The following HOMER2 variants were observed in gnomAD, a reference collection of about 807,000 sequenced individuals.
The protein encoded by HOMER2 is homer scaffold protein 2, also known as homer protein homolog 2.
A neutral mutation model predicts 47.0 loss-of-function variants in HOMER2; 27 were observed. The observed-to-expected ratio is 0.57, with a 90% CI of 0.42 to 0.79. The LOEUF is 0.79. Among genes scored for constraint, HOMER2 ranks in the 30% least tolerant of loss-of-function variants. HOMER2 has a pLI of 0.00. For synonymous variants in HOMER2, 161 were observed against 163.8 expected, an observed-to-expected ratio of 0.98 and a Z score of 0.13; for missense variants, 443 against 435.0, an observed-to-expected ratio of 1.02 and a Z score of -0.16.
intron 1 of HOMER2, among the ~76,000 whole-genome samples, chr15:82,966,256 G>A (rs1323936865): frequency 1.3e-5 from 2 of 152,160 alleles, no homozygotes; most frequent in African/African-American, 4.8e-5. Context: ...ACAGGTGAGA[G>A]TAACAGGCCC....
intron 1 of HOMER2, among the ~76,000 whole-genome samples, chr15:82,914,544 C>CA (rs1367492726): frequency 6.6e-6 from 1 of 151,974 alleles, no homozygotes; most frequent in Non-Finnish European, 1.5e-5. Context: ...CAGTGATTAC[C>CA]AGTGGCTGGG....
intron 1 of HOMER2, among the ~76,000 whole-genome samples, chr15:82,965,877 T>G (rs1053170549): frequency 4.6e-5 from 7 of 151,972 alleles, no homozygotes; most frequent in Admixed American, 6.6e-5. Context: ...GGAGGATCGC[T>G]TGAGCCCAGG....
chr15:82,893,505 G>A lies in HOMER2; in HGVS notation c.6-664C>T, dbSNP rs545208284. The stretch of plus-strand genomic sequence containing the variant: ...GTGCCACTGCGCTCAGCTAATTTTT[G>A]TATTTATAGTAGAGACGGGGTTTCA... On this transcript the variant is annotated intron_variant, in intron 1 of 8. Coordinates refer to ENST00000450735, the MANE Select transcript of HOMER2 (RefSeq NM_004839.4). Among the ~76,000 whole-genome samples, 147 of 151,400 alleles carry A rather than the reference G, an allele frequency of 9.7e-4. 1 individual carries two copies. Among genetic ancestry groups the A allele is most frequent in the African/African-American group, 3.5e-3 (143 of 41,228 alleles).
chr15:82,894,379 T>A (rs1019097761), intron 1 of HOMER2, among the ~76,000 whole-genome samples: 1 of 152,156 alleles, frequency 6.6e-6, no homozygotes, highest in Non-Finnish European at 1.5e-5. Context: ...CAAAAATCCT[T>A]TAAGTGTTCA....
intron 1 of HOMER2, among the ~76,000 whole-genome samples, chr15:82,935,471 T>TC (rs148998945): frequency 7.5e-4 from 114 of 152,084 alleles, no homozygotes; most frequent in African/African-American, 2.6e-3. Context: ...CTGCCTGCCC[T>TC]CCCTCCCTGG....
At chr15:82,898,044 C>T (rs11259959) in intron 1 of HOMER2, among the ~76,000 whole-genome samples, 64,851 of 152,074 alleles carry the variant, frequency 0.43, 14,077 homozygotes, top group Non-Finnish European at 0.47. Flanking sequence ...TAAATGTTCT[C>T]ATTTAATCCT....
At chr15:82,976,519 G>C (rs1040074596) in intron 1 of HOMER2, among the ~76,000 whole-genome samples, 1 of 151,168 alleles carries the variant, frequency 6.6e-6, no homozygotes, top group Non-Finnish European at 1.5e-5. Flanking sequence ...GGCTGGTCTC[G>C]AACTCCTGAC....
chr15:82,909,740 C>T (rs1567048046), intron 1 of HOMER2, among the ~76,000 whole-genome samples: 1 of 152,172 alleles, frequency 6.6e-6, no homozygotes, highest in Non-Finnish European at 1.5e-5. Context: ...ACTCATTGTA[C>T]TTAACAACTT....
At chr15:82,880,077 T>A (rs1016207035) in intron 2 of HOMER2, among the ~76,000 whole-genome samples, 4 of 152,146 alleles carry the variant, frequency 2.6e-5, no homozygotes, top group Admixed American at 2.6e-4. Flanking sequence ...TAAAACTGAA[T>A]AACAGATTAT....
chr15:82,925,272 C>A (rs1202698548), intron 1 of HOMER2, among the ~76,000 whole-genome samples: 2 of 152,198 alleles, frequency 1.3e-5, no homozygotes, highest in African/African-American at 4.8e-5. Flanking sequence ...CCTGTTTAGA[C>A]CATGTTCATC....
intron 4 of HOMER2, among the ~76,000 whole-genome samples, chr15:82,860,952 A>AGAGAGAGAGAGAGAG (rs56193557): frequency 0.02 from 2,117 of 104,958 alleles, 97 homozygotes; most frequent in East Asian, 0.049. Context: ...TAGAAGATAG[A>AGAGAGAGAGAGAGAG]AGATGAGAGA....
At chr15:82,842,929 T>C (rs905314009) in exon 2 of HOMER2, 1 of 152,076 alleles carries the variant, frequency 6.6e-6, no homozygotes, top group Non-Finnish European at 1.5e-5. Flanking sequence ...AGGGTCTTGC[T>C]CTGTTCCCCA....
At chr15:82,946,812 T>C (rs575309552) in intron 1 of HOMER2, among the ~76,000 whole-genome samples, 1 of 152,358 alleles carries the variant, frequency 6.6e-6, no homozygotes, top group Non-Finnish European at 1.5e-5. Flanking sequence ...CTGTGTATTC[T>C]TCCAGTTCGG....
chr15:82,904,591 C>G, intron 1 of HOMER2, among the ~76,000 whole-genome samples: 1 of 152,130 alleles, frequency 6.6e-6, no homozygotes, highest in East Asian at 1.9e-4. Flanking sequence ...TACCAGGGCC[C>G]AATCAGCTGG....
chr15:82,975,412 T>C (rs1596389618), intron 1 of HOMER2, among the ~76,000 whole-genome samples: 1 of 152,212 alleles, frequency 6.6e-6, no homozygotes, highest in Admixed American at 6.5e-5. Context: ...TACACTCTCA[T>C]GTTTGCTGCA....
chr15:82,952,647 A>AGCCCCGGCGCC lies in HOMER2; in HGVS notation c.-123_-113dup. 1 of 1,010,976 alleles carries AGCCCCGGCGCC rather than the reference A, an allele frequency of 9.9e-7. No homozygotes were observed. The highest frequency in any genetic ancestry group is 1.2e-6 in the Non-Finnish European group (1 of 848,196). 62.6% of individuals were successfully genotyped at this position (1,010,976 alleles called of 1,614,324 possible). On this transcript the variant is annotated 5_prime_UTR_variant, in exon 1 of 9. It removes the in-frame stop codon of an upstream open reading frame in the 5' UTR. Coordinates refer to ENST00000450735, the MANE Select transcript of HOMER2 (RefSeq NM_004839.4). ...GCGGCGGCCCGTGCGCGCCCGGCTC[A>AGCCCCGGCGCC]GCCCCGGCGCCGCTCCATTCCGCGG...
chr15:82,896,119 C>A (rs1238731532), intron 1 of HOMER2, among the ~76,000 whole-genome samples: 1 of 152,002 alleles, frequency 6.6e-6, no homozygotes, highest in Non-Finnish European at 1.5e-5. Flanking sequence ...AGAACAGGGT[C>A]TCTGGATGCA....
intron 1 of HOMER2, among the ~76,000 whole-genome samples, chr15:82,940,504 G>A (rs904071513): frequency 4.6e-5 from 7 of 152,226 alleles, no homozygotes; most frequent in Non-Finnish European, 1.5e-5. Flanking sequence ...AGCACTTTGG[G>A]AGGCCAAGGC....
intron 6 of HOMER2, among the ~76,000 whole-genome samples, chr15:82,854,389 GA>G (rs1413859416): frequency 6.6e-6 from 1 of 152,094 alleles, no homozygotes; most frequent in Non-Finnish European, 1.5e-5. Context: ...CTGGGTGACA[GA>G]GCGAGACTCC....
Sources: gnomAD v4.1 joint callset for allele counts (sites outside exome capture counted in the v4.1 genomes callset) on GRCh38, gnomAD v4.1.1 for gene constraint, MANE v1.5 for transcripts, NCBI Gene and HGNC (gene_info 2026-07-23, HGNC 2026-07-21) for gene names.